The following TSGA10 variants were observed in gnomAD, a reference collection of about 807,000 sequenced individuals.
TSGA10 encodes testis specific 10.
TSGA10 carries 43 observed loss-of-function variants against 96.6 expected under a neutral mutation model. That is an observed-to-expected ratio of 0.44 (90% CI 0.35 to 0.57). The LOEUF (loss-of-function observed/expected upper bound fraction) is 0.57. Ranked by LOEUF, TSGA10 falls within the 20% of genes least tolerant of loss-of-function variation. The pLI, the probability that TSGA10 is intolerant of heterozygous loss-of-function variation, is 0.01. For missense variants in TSGA10, 703 were observed against 834.4 expected (o/e 0.84, Z 1.94); for synonymous variants, 229 against 269.9 (o/e 0.85, Z 1.48).
chr2:99,046,074 A>AGG (rs2104292922), intron 16 of TSGA10, among the ~76,000 whole-genome samples: 1 of 151,980 alleles, frequency 6.6e-6, no homozygotes, highest in Admixed American at 6.5e-5. Context: ...TGAATAAAGC[A>AGG]AGTCCTTAGA....
Position 99,127,273 on chromosome 2 carries a change from AGATTT to A in TSGA10, c.-620-102_-620-98del, listed in dbSNP as rs2092877252. 5 of 1,018,408 alleles carry A rather than the reference AGATTT, an allele frequency of 4.9e-6. No individual in the cohort carries two copies. In the Middle Eastern group the frequency reaches 1.2e-3, roughly 237 times the overall value. The allele number at this position is 1,018,408 out of a possible 1,614,324, so 63.1% of individuals were successfully genotyped here. ...CATTTTGAAAATTGATAATATTCTT[AGATTT>A]TTTTTAACCATTTCCCACCAGCTAA... On this transcript the variant is annotated intron_variant, in intron 1 of 20. Coordinates refer to ENST00000393483, the MANE Select transcript of TSGA10 (RefSeq NM_025244.4).
chr2:99,141,094 G>C (rs1043889845), intron 1 of TSGA10: 3 of 1,283,346 alleles, frequency 2.3e-6, no homozygotes, highest in Non-Finnish European at 3.0e-6. Flanking sequence ...TGGAGCTCCG[G>C]GTCCCTCCCC....
chr2:99,084,690 A>G (rs1563108), intron 10 of TSGA10, among the ~76,000 whole-genome samples: 61,008 of 151,768 alleles, frequency 0.4, 14,383 homozygotes, highest in African/African-American at 0.65. Context: ...GGGTAGCAAA[A>G]GGTGAAAAAC....
chr2:99,116,751 TTTA>T (rs1484515658), intron 4 of TSGA10, among the ~76,000 whole-genome samples: 3 of 152,226 alleles, frequency 2.0e-5, no homozygotes, highest in Non-Finnish European at 4.4e-5. Flanking sequence ...AAATTGACTT[TTTA>T]TTGATACATA....
At chr2:99,038,840 C>CT (rs1373499623) in intron 16 of TSGA10, among the ~76,000 whole-genome samples, 6 of 152,120 alleles carry the variant, frequency 3.9e-5, no homozygotes, top group Non-Finnish European at 8.8e-5. Context: ...GACATACATT[C>CT]TATTCATCAG....
At chr2:99,100,194 A>AT (rs1343318205) in intron 10 of TSGA10, among the ~76,000 whole-genome samples, 1 of 152,224 alleles carries the variant, frequency 6.6e-6, no homozygotes, top group Non-Finnish European at 1.5e-5. Context: ...TCTAAAATTT[A>AT]TATGAAAATT....
chr2:99,147,825 T>G (rs1042916299), intron 1 of TSGA10, among the ~76,000 whole-genome samples: 8 of 152,196 alleles, frequency 5.3e-5, no homozygotes, highest in Non-Finnish European at 1.2e-4. Flanking sequence ...CTAAACAATT[T>G]GAGGGCAAGT....
chr2:99,101,825 T>C (rs2090779815), intron 10 of TSGA10, among the ~76,000 whole-genome samples: 1 of 152,206 alleles, frequency 6.6e-6, no homozygotes, highest in Non-Finnish European at 1.5e-5. Context: ...ACTTACAAGA[T>C]GTCTCTAAAC....
chr2:99,078,826 T>A lies in TSGA10; in HGVS notation c.728-13A>T, dbSNP rs1188091129. ...CTTGTAAAGTTATCTATGTATGCAA[T>A]CATAAAAGTGTTGTTTTAATCAAAA... On this transcript the variant is annotated splice_polypyrimidine_tract_variant and intron_variant, in intron 11 of 20. Coordinates refer to ENST00000393483, the MANE Select transcript of TSGA10 (RefSeq NM_025244.4). 5.7e-6 allele frequency: 9 copies of A among 1,592,658 alleles called. No homozygotes were observed. Among genetic ancestry groups the A allele is most frequent in the Non-Finnish European group, 7.7e-6 (9 of 1,172,586 alleles).
chr2:99,054,993 C>T (rs1312464054), intron 16 of TSGA10, among the ~76,000 whole-genome samples: 1 of 152,178 alleles, frequency 6.6e-6, no homozygotes, highest in Non-Finnish European at 1.5e-5. Context: ...TATAATCCAG[C>T]AATCCCACTT....
At chr2:99,061,641 A>G (rs1374634813) in intron 16 of TSGA10, among the ~76,000 whole-genome samples, 1 of 152,276 alleles carries the variant, frequency 6.6e-6, no homozygotes, top group East Asian at 1.9e-4. Context: ...ACTCCTAGTT[A>G]TTTATCCAAG....
intron 4 of TSGA10, among the ~76,000 whole-genome samples, chr2:99,115,174 C>T (rs2092151513): frequency 1.3e-5 from 2 of 152,046 alleles, no homozygotes; most frequent in South Asian, 4.2e-4. Flanking sequence ...CTCAAGCGAT[C>T]CACCTGCCTC....
At chr2:99,135,507 T>A (rs961661744) in intron 1 of TSGA10, among the ~76,000 whole-genome samples, 1 of 152,246 alleles carries the variant, frequency 6.6e-6, no homozygotes, top group Non-Finnish European at 1.5e-5. Context: ...TATTCTTTAT[T>A]TTTTTCAATG....
intron 20 of TSGA10, among the ~76,000 whole-genome samples, chr2:99,005,338 G>C (rs1302734156): frequency 1.3e-5 from 2 of 152,208 alleles, no homozygotes; most frequent in African/African-American, 2.4e-5. Context: ...AATAGGAAAA[G>C]AGGAAGTCAA....
chr2:99,033,625 G>C (rs186787855), intron 17 of TSGA10, among the ~76,000 whole-genome samples: 7 of 152,344 alleles, frequency 4.6e-5, no homozygotes, highest in African/African-American at 1.7e-4. Context: ...CAGATCACTT[G>C]AGGTCAGGAG....
rs2091265563 is a variant in TSGA10 at position 99,105,625 on chromosome 2, G to A, written c.283C>T (p.His95Tyr). ...GTCTCCACTCGCCGGAGAATAGCAT[G>A]TGCCGTTGTTGATTTAGGACTCTTA... ...SCKSPKSTTA[H>Y]AILRRVETER... Residue 95 changes from histidine (H) to tyrosine (Y), a missense_variant, in exon 8 of 21, where the codon CAT (histidine) becomes TAT (tyrosine). By Grantham distance (83) the His-to-Tyr change is moderately conservative. Transcript: ENST00000393483. The A allele has an allele frequency of 1.2e-6, 2 of 1,608,976 alleles. No homozygotes were observed. The highest frequency in any genetic ancestry group is 4.5e-5 in the East Asian group (2 of 44,640).
At chr2:99,052,026 G>GA (rs1350371233) in intron 16 of TSGA10, among the ~76,000 whole-genome samples, 8 of 150,186 alleles carry the variant, frequency 5.3e-5, no homozygotes, top group South Asian at 2.1e-4. Context: ...TCTTTAAAAA[G>GA]AAAAAAAATC....
At chr2:99,082,311 G>A (rs1191296271) in intron 10 of TSGA10, among the ~76,000 whole-genome samples, 3 of 152,042 alleles carry the variant, frequency 2.0e-5, no homozygotes, top group Non-Finnish European at 4.4e-5. Flanking sequence ...TAATCTCTCT[G>A]TAACCATTTG....
rs551002240 is a variant in TSGA10 at position 99,085,454 on chromosome 2, T to A, written c.612-4057A>T. The stretch of plus-strand genomic sequence containing the variant: ...ACCCCCATCTCTATAAAAATTTTTT[T>A]AAAAATTAGTCAGGCACAGCGGCAC... On this transcript the variant is annotated intron_variant, in intron 10 of 20. Coordinates refer to ENST00000393483, the MANE Select transcript of TSGA10 (RefSeq NM_025244.4). Among the ~76,000 whole-genome samples the A allele has an allele frequency of 4.9e-3, 736 of 150,380 alleles. 1 individual carries two copies. The highest frequency in any genetic ancestry group is 7.6e-3 in the Non-Finnish European group (514 of 67,492).
Sources: gnomAD v4.1 joint callset for allele counts (sites outside exome capture counted in the v4.1 genomes callset) on GRCh38, gnomAD v4.1.1 for gene constraint, MANE v1.5 for transcripts, NCBI Gene and HGNC (gene_info 2026-07-23, HGNC 2026-07-21) for gene names.